C3: variants seen among roughly 807,000 people sequenced by gnomAD.
C3 encodes the protein C3 and PZP-like alpha-2-macroglobulin domain-containing protein 1.
A neutral mutation model predicts 207.9 loss-of-function variants in C3; 97 were observed. That is an observed-to-expected ratio of 0.47 (90% confidence interval 0.40 to 0.55). The LOEUF is 0.55. Ranked by LOEUF, C3 falls within the 20% of genes least tolerant of loss-of-function variation. The pLI is 0.00. For synonymous variants in C3, 848 were observed against 857.6 expected, an observed-to-expected ratio of 0.99 and a Z score of 0.20; for missense variants, 1,684 against 2,171.7, an observed-to-expected ratio of 0.78 and a Z score of 4.46.
At chr19:6,715,964 T>C (rs906088167) in intron 4 of C3, among the ~76,000 whole-genome samples, 1 of 152,042 alleles carries the variant, frequency 6.6e-6, no homozygotes, top group Non-Finnish European at 1.5e-5. Flanking sequence ...AACAAGGAAA[T>C]TTCTGTGGAT....
chr19:6,706,993 A>G, intron 17 of C3, 83 bp downstream of exon 17: 1 of 170,782 alleles, frequency 5.9e-6, no homozygotes, highest in South Asian at 6.0e-5. Flanking sequence ...CCCCCACCAG[A>G]CAGGGCATCC....
At chr19:6,711,231 G>A (rs758028837) in intron 11 of C3, 35 bp from the exon 12 acceptor site, 14 of 1,558,620 alleles carry the variant, frequency 9.0e-6, no homozygotes, top group East Asian at 6.8e-5. Flanking sequence ...GCTGGTCGCC[G>A]CCCGAGGATA....
At chr19:6,686,976 A>C in intron 27 of C3, 74 bp from the exon 28 acceptor site, 1 of 1,461,712 alleles carries the variant, frequency 6.8e-7, no homozygotes, top group Non-Finnish European at 9.6e-7. Flanking sequence ...TTCGAGCAGC[A>C]CTTCCTGAGC....
At chr19:6,690,401 A>G (rs1392649481) in intron 27 of C3, among the ~76,000 whole-genome samples, 2 of 152,234 alleles carry the variant, frequency 1.3e-5, no homozygotes, top group African/African-American at 2.4e-5. Context: ...CTTACCTTTC[A>G]GGCTGCTAAA....
chr19:6,689,356 C>CAT (rs1918107969), intron 27 of C3, among the ~76,000 whole-genome samples: 1 of 47,176 alleles, frequency 2.1e-5, no homozygotes, highest in African/African-American at 1.2e-4. Context: ...TCCCTCCCTC[C>CAT]CTCCCTCTCT....
At chr19:6,678,106 GC>G in intron 40 of C3, 45 bp downstream of exon 40, 1 of 1,614,124 alleles carries the variant, frequency 6.2e-7, no homozygotes, top group Non-Finnish European at 8.5e-7. Context: ...CGTGGCATGG[GC>G]GGGGCAGTCG....
At chr19:6,706,806 C>CA (rs1967785298) in intron 17 of C3, among the ~76,000 whole-genome samples, 1 of 148,036 alleles carries the variant, frequency 6.8e-6, no homozygotes, top group Non-Finnish European at 1.5e-5. Flanking sequence ...CCTCCTCAGA[C>CA]GGGGACCTCC....
At position 6,711,250 on chromosome 19, in the gene C3, C is replaced by T. The variant is rs942671080; in HGVS notation, c.1270-54G>A. On this transcript the variant is annotated intron_variant, in intron 11 of 40. Transcript: ENST00000245907. ...GTCGCCGCCCGAGGATACCCACACC[C>T]GAATCCCTGAGACCTGGGAATTGGT... 36 of 1,463,940 alleles carry T rather than the reference C, an allele frequency of 2.5e-5. No individual in the cohort carries two copies. In the Admixed American group the frequency reaches 3.5e-4, roughly 14 times the overall value. 90.7% of individuals were successfully genotyped at this position (1,463,940 alleles called of 1,614,324 possible).
At position 6,679,505 on chromosome 19, in the gene C3, AGATGT is replaced by A; in HGVS notation, c.4457-14_4457-10del. On this transcript the variant is annotated splice_polypyrimidine_tract_variant and intron_variant, in intron 36 of 40. Transcript: ENST00000245907. ...CCGGGTACAGCTTTCCTCTGCGGGC[AGATGT>A]GATGTGAAGATGAGAGGATAAGGGC... 1 of 1,590,942 alleles carries A rather than the reference AGATGT, an allele frequency of 6.3e-7. No individual in the cohort carries two copies. Among genetic ancestry groups the A allele is most frequent in the Non-Finnish European group, 8.6e-7 (1 of 1,158,908 alleles).
chr19:6,685,999 T>C, intron 29 of C3, 125 bp downstream of exon 29: 1 of 962,586 alleles, frequency 1.0e-6, no homozygotes, highest in South Asian at 1.3e-5. Flanking sequence ...TCAACTCCAC[T>C]GCAATCACAC....
chr19:6,697,641 C>T lies in C3; in HGVS notation c.2583+11G>A. ...CAGCCTCCAAGAAGCCTCTGCCACC[C>T]CGGGACCCACCTTGAGCTCTTGGTT... On this transcript the variant is annotated intron_variant, in intron 20 of 40. Coordinates refer to ENST00000245907, the MANE Select transcript of C3 (RefSeq NM_000064.4). The T allele has an allele frequency of 6.2e-7, 1 of 1,614,042 alleles. No individual in the cohort carries two copies. Among genetic ancestry groups the T allele is most frequent in the South Asian group, 1.1e-5 (1 of 91,044 alleles).
intron 25 of C3, 99 bp from the exon 26 acceptor site, chr19:6,693,182 A>G: frequency 6.9e-7 from 1 of 1,456,310 alleles, no homozygotes. Flanking sequence ...GGCCTGGCCC[A>G]GTTTGCCTGG....
At position 6,720,611 on chromosome 19, in the gene C3, C is replaced by A; in HGVS notation, c.-22G>T. 2 of 1,488,690 alleles carry A rather than the reference C, an allele frequency of 1.3e-6. No homozygotes were observed. The highest frequency in any genetic ancestry group is 2.4e-5 in the South Asian group (2 of 83,108). 92.2% of individuals were successfully genotyped at this position (1,488,690 alleles called of 1,614,324 possible). ...CCATGGTGCTGGGACAGTGCAGGGT[C>A]AGAGGGACAGAGGGACAGAGGGAGA... On this transcript the variant is annotated 5_prime_UTR_variant, in exon 1 of 41. Transcript: ENST00000245907.
rs375600369 is a variant in C3, at chr19:6,690,629, G to A, written c.3489C>T (p.Asn1163=). ...EAKDICEEQV[N]SLPGSITKAG... is the part of the protein sequence containing the mutation. ...GGGTGGGAAGATGGAGGGCACTTAC[G>A]TTGACCTGCTCCTCGCAAATATCTT... The change falls in exon 27 of 41, where the codon AAC becomes AAT. Residue 1163 remains asparagine, a splice_region_variant and synonymous_variant. Coordinates refer to ENST00000245907, the MANE Select transcript of C3 (RefSeq NM_000064.4). 168 of 1,613,304 alleles carry A rather than the reference G, an allele frequency of 1.0e-4. No homozygotes were observed. The highest frequency in any genetic ancestry group is 1.3e-4 in the Admixed American group (8 of 60,028).
At position 6,719,546 on chromosome 19, in the gene C3, G is replaced by A; in HGVS notation, c.75-143C>T. 1.5e-5 allele frequency: 11 copies of A among 709,834 alleles called. 1 individual carries two copies. In the South Asian group the frequency reaches 1.9e-4, roughly 12 times the overall value. 44.0% of individuals were successfully genotyped at this position (709,834 alleles called of 1,614,324 possible). A position where few individuals can be genotyped will look rare whatever the true frequency, so the allele number is the denominator to read the frequency against. ...AGTGACTGCCGGCGCACTTGCCAAT[G>A]CCATTATCTTCTCTGGGCACTGCCA... On this transcript the variant is annotated intron_variant, in intron 1 of 40. Transcript: ENST00000245907. This position sits in a 1 kb window ranked among gnomAD's most constrained non-coding sequence, Gnocchi z 5.4.
intron 17 of C3, chr19:6,702,893 G>A (rs1599515515): frequency 2.8e-6 from 1 of 351,968 alleles, no homozygotes; most frequent in South Asian, 2.3e-5. Context: ...AATTAGCTGG[G>A]TGTGGTGGCG....
rs1292421489 is a variant in C3, at chr19:6,700,449, TGTAA to T, written c.2440+1674_2440+1677del. On this transcript the variant is annotated intron_variant, in intron 19 of 40. Coordinates refer to ENST00000245907, the MANE Select transcript of C3 (RefSeq NM_000064.4). ...TATATGATATATGTAATATGATATA[TGTAA>T]TATATATGTTATATATGTAATATAT... 4.7e-4 allele frequency among the ~76,000 whole-genome samples: 22 copies of T among 47,162 alleles called. 1 individual carries two copies. Among genetic ancestry groups the T allele is most frequent in the South Asian group, 7.9e-4 (1 of 1,266 alleles). The allele number at this position is 47,162 out of a possible 152,430, so 30.9% of individuals were successfully genotyped here.
chr19:6,691,639 C>T (rs2145405259), intron 26 of C3, among the ~76,000 whole-genome samples: 1 of 152,138 alleles, frequency 6.6e-6, no homozygotes, highest in East Asian at 1.9e-4. Context: ...AGTGATTCTC[C>T]ATCTCAAGCA....
intron 27 of C3, among the ~76,000 whole-genome samples, chr19:6,690,030 T>A (rs867927978): frequency 1.3e-5 from 2 of 152,190 alleles, no homozygotes; most frequent in Middle Eastern, 6.8e-3. Flanking sequence ...GACAAAGGCA[T>A]TCCAGACTCT....
Sources: gnomAD v4.1 joint callset for allele counts (sites outside exome capture counted in the v4.1 genomes callset) on GRCh38, gnomAD v4.1.1 for gene constraint, Gnocchi (gnomAD v3.1) non-coding constraint, MANE v1.5 for transcripts, NCBI Gene and HGNC (gene_info 2026-07-23, HGNC 2026-07-21) for gene names.